Variants in PLCB1 observed in about 807,000 individuals in gnomAD.
The protein encoded by PLCB1 is 1-phosphatidylinositol 4,5-bisphosphate phosphodiesterase beta-1.
PLCB1 carries 46 observed loss-of-function variants against 161.8 expected under a neutral mutation model. The ratio of observed to expected loss-of-function variants is 0.28; its 90% CI spans 0.22 to 0.36. The LOEUF (loss-of-function observed/expected upper bound fraction) is 0.36, where lower values mean the gene tolerates loss of function less well. Among genes scored for constraint, PLCB1 ranks in the 10% least tolerant of loss-of-function variants. PLCB1 has a pLI of 1.00. For synonymous variants in PLCB1, 517 were observed against 503.7 expected (o/e 1.03, Z -0.35); for missense variants, 1,016 against 1,472.5 (o/e 0.69, Z 5.07).
At chr20:8,286,016 T>C (rs1414683892) in intron 2 of PLCB1, among the ~76,000 whole-genome samples, 1 of 152,210 alleles carries the variant, frequency 6.6e-6, no homozygotes, top group Non-Finnish European at 1.5e-5. Flanking sequence ...CCAAGAAGCA[T>C]AGCATAAGAG....
At chr20:8,254,244 C>A (rs886937769) in intron 2 of PLCB1, among the ~76,000 whole-genome samples, 4 of 151,878 alleles carry the variant, frequency 2.6e-5, no homozygotes, top group African/African-American at 9.7e-5. Flanking sequence ...ATATTTTTCA[C>A]TTATATTTAT....
At chr20:8,324,072 T>G (rs1471089668) in intron 2 of PLCB1, among the ~76,000 whole-genome samples, 1 of 152,116 alleles carries the variant, frequency 6.6e-6, no homozygotes, top group Non-Finnish European at 1.5e-5. Flanking sequence ...ATTAAACTGA[T>G]TTTTACAGAG....
intron 31 of PLCB1, among the ~76,000 whole-genome samples, chr20:8,851,718 T>TTTTTTTCA (rs1330381740): frequency 1.7e-4 from 26 of 152,162 alleles, no homozygotes; most frequent in African/African-American, 6.3e-4. Context: ...TTTGGTTTTT[T>TTTTTTTCA]TTTTTTTCAT....
chr20:8,365,290 A>T (rs1019053333), intron 2 of PLCB1, among the ~76,000 whole-genome samples: 1 of 152,218 alleles, frequency 6.6e-6, no homozygotes, highest in Non-Finnish European at 1.5e-5. Context: ...TCCTACTTCT[A>T]TGAAATTTGC....
At chr20:8,767,462 T>C (rs906519926) in intron 26 of PLCB1, among the ~76,000 whole-genome samples, 3 of 152,156 alleles carry the variant, frequency 2.0e-5, no homozygotes, top group Non-Finnish European at 2.9e-5. Flanking sequence ...TTCTGCCGAG[T>C]TCCCACCATG....
intron 3 of PLCB1, among the ~76,000 whole-genome samples, chr20:8,621,061 G>A (rs1988170708): frequency 6.6e-6 from 1 of 152,084 alleles, no homozygotes; most frequent in African/African-American, 2.4e-5. Flanking sequence ...GAGATGCTGC[G>A]GACTCATTGT....
At chr20:8,220,939 A>C (rs1292681752) in intron 2 of PLCB1, among the ~76,000 whole-genome samples, 1 of 152,184 alleles carries the variant, frequency 6.6e-6, no homozygotes, top group Non-Finnish European at 1.5e-5. Context: ...CAGTTAGCCT[A>C]AGGTTTAAAA....
At position 8,884,037 on chromosome 20, in the gene PLCB1, A is replaced by C. The variant is rs1281072751; in HGVS notation, c.*2188A>C. 1 of 152,318 alleles carries C rather than the reference A, an allele frequency of 6.6e-6. No individual in the cohort carries two copies. The highest frequency in any genetic ancestry group is 1.5e-5 in the Non-Finnish European group (1 of 68,000). The allele number at this position is 152,318 out of a possible 1,614,324, so 9.4% of individuals were successfully genotyped here. ...CACATTTTAGTCCAGAGATAGAATA[A>C]AGTTGAATAACCTTGACTTACACAA... is the stretch of plus-strand genomic sequence containing the variant. On this transcript the variant is annotated 3_prime_UTR_variant, in exon 32 of 32. Coordinates refer to ENST00000338037, the MANE Select transcript of PLCB1 (RefSeq NM_015192.4).
At chr20:8,836,359 C>T (rs183410210) in intron 31 of PLCB1, among the ~76,000 whole-genome samples, 1 of 139,066 alleles carries the variant, frequency 7.2e-6, no homozygotes. Context: ...CACAGGGTGC[C>T]CATTCACTTG....
intron 3 of PLCB1, among the ~76,000 whole-genome samples, chr20:8,391,084 A>G (rs1258971338): frequency 6.6e-6 from 1 of 151,704 alleles, no homozygotes; most frequent in African/African-American, 2.4e-5. Context: ...AAGCAAGTTA[A>G]ATAGGCATAA....
intron 3 of PLCB1, among the ~76,000 whole-genome samples, chr20:8,553,863 ATGGT>A (rs1985858433): frequency 6.6e-6 from 1 of 151,858 alleles, no homozygotes; most frequent in Non-Finnish European, 1.5e-5. Flanking sequence ...TTAGCTGGGC[ATGGT>A]GGTACATGCC....
chr20:8,441,865 A>G (rs1363864503), intron 3 of PLCB1, among the ~76,000 whole-genome samples: 2 of 152,210 alleles, frequency 1.3e-5, no homozygotes, highest in Non-Finnish European at 2.9e-5. Context: ...AAGCAGCAAT[A>G]AAGCACCTTA....
At chr20:8,759,552 G>GT (rs1420120934) in intron 24 of PLCB1, among the ~76,000 whole-genome samples, 2 of 152,144 alleles carry the variant, frequency 1.3e-5, no homozygotes, top group Non-Finnish European at 2.9e-5. Context: ...CCAGGCTGGA[G>GT]TGCAATGGTG....
intron 2 of PLCB1, among the ~76,000 whole-genome samples, chr20:8,281,443 T>A (rs73084384): frequency 0.012 from 1,764 of 152,068 alleles, 20 homozygotes; most frequent in Non-Finnish European, 0.02. Context: ...AAGATCAGAT[T>A]TTTTTTTAAG....
rs1360874804 is a variant in PLCB1, at chr20:8,697,758, C to G, written c.1142C>G (p.Thr381Ser). Residue 381 changes from threonine (T) to serine (S), a missense_variant, in exon 11 of 32, where the codon ACC (threonine) becomes AGC (serine). Thr to Ser is a moderately conservative substitution (Grantham distance 58). Transcript: ENST00000338037. ...EEEPVITHGF[T>S]MTTEISFKEV... The stretch of plus-strand genomic sequence containing the variant: ...GAACCTGTCATCACCCATGGCTTCA[C>G]CATGACAACTGAAATATCTTTCAAG... 1 of 1,613,998 alleles carries G rather than the reference C, an allele frequency of 6.2e-7. No individual in the cohort carries two copies.
At chr20:8,278,796 C>T (rs144116847) in intron 2 of PLCB1, among the ~76,000 whole-genome samples, 171 of 152,054 alleles carry the variant, frequency 1.1e-3, no homozygotes, top group Admixed American at 2.1e-3. Flanking sequence ...TGAACATACA[C>T]GTGTGTTATG....
At position 8,592,635 on chromosome 20, in the gene PLCB1, AC is replaced by A. The variant is rs1419944594; in HGVS notation, c.247-35657del. On this transcript the variant is annotated intron_variant, in intron 3 of 31. Transcript: ENST00000338037. ...AAGCCGAATAAACTGTGTGTTGTGCACCTGCATTTTGACGGTGACTCGTCAC... is the reference window on the plus strand; with the variant it reads ...AAGCCGAATAAACTGTGTGTTGTGCACTGCATTTTGACGGTGACTCGTCAC... 3.3e-5 allele frequency among the ~76,000 whole-genome samples: 5 copies of A among 152,120 alleles called. No homozygotes were observed. The East Asian group carries it at 9.6e-4, about 29-fold the overall frequency.
At chr20:8,821,021 TGAG>T (rs1163953703) in intron 31 of PLCB1, among the ~76,000 whole-genome samples, 1 of 152,170 alleles carries the variant, frequency 6.6e-6, no homozygotes, top group African/African-American at 2.4e-5. Context: ...TCATTACCTC[TGAG>T]GAGTCAGGGA....
At chr20:8,694,716 A>G (rs1200912182) in intron 10 of PLCB1, among the ~76,000 whole-genome samples, 2 of 152,242 alleles carry the variant, frequency 1.3e-5, no homozygotes, top group African/African-American at 4.8e-5. Context: ...TTCAACTAGT[A>G]TTAATGAAAT....
Sources: allele counts gnomAD v4.1 joint callset (sites outside exome capture counted in the v4.1 genomes callset), GRCh38; gene constraint gnomAD v4.1.1; transcripts MANE v1.5; gene names NCBI Gene and HGNC (gene_info 2026-07-23, HGNC 2026-07-21).